Variants in COBLL1 observed in about 807,000 individuals in gnomAD.
COBLL1 encodes the protein cordon-bleu protein-like 1.
COBLL1 carries 50 observed loss-of-function variants against 94.8 expected under a neutral mutation model. That is an observed-to-expected ratio of 0.53 (90% CI 0.42 to 0.67). The LOEUF is 0.67. Ranked by LOEUF, COBLL1 falls within the 30% of genes least tolerant of loss-of-function variation. The pLI is 0.00. For missense variants in COBLL1, 1,362 were observed against 1,348.7 expected, an observed-to-expected ratio of 1.01 and a Z score of -0.15; for synonymous variants, 448 against 473.8, an observed-to-expected ratio of 0.95 and a Z score of 0.71.
intron 2 of COBLL1, among the ~76,000 whole-genome samples, chr2:164,767,939 G>A (rs905266343): frequency 3.9e-5 from 6 of 152,168 alleles, no homozygotes; most frequent in Admixed American, 3.3e-4. Context: ...ATGAGAAGGT[G>A]AACTAGAAAT....
At chr2:164,828,579 T>C (rs1027986695) in intron 2 of COBLL1, among the ~76,000 whole-genome samples, 1 of 152,072 alleles carries the variant, frequency 6.6e-6, no homozygotes, top group Non-Finnish European at 1.5e-5. Flanking sequence ...TCACTGTGTA[T>C]AAAAAAGGGA....
rs1433495930 is a variant in COBLL1, at chr2:164,682,926, T to A, written c.*3020A>T. 6.6e-6 allele frequency: 1 copy of A among 151,400 alleles called. No individual in the cohort carries two copies. The highest frequency in any genetic ancestry group is 6.6e-5 in the Admixed American group (1 of 15,126). The allele number at this position is 151,400 out of a possible 1,614,324, so 9.4% of individuals were successfully genotyped here. A position where few individuals can be genotyped will look rare whatever the true frequency, so the allele number is the denominator to read the frequency against. On this transcript the variant is annotated 3_prime_UTR_variant, in exon 14 of 14. Transcript: ENST00000652658. ...CTGTATGTGTAAAAAGAAAAGCTCT[T>A]CCAGAACACTGCTGGTATAAAAGGC...
At chr2:164,797,411 C>T (rs61189732) in intron 2 of COBLL1, among the ~76,000 whole-genome samples, 5,311 of 152,092 alleles carry the variant, frequency 0.035, 306 homozygotes, top group African/African-American at 0.12. Context: ...GGTCCCTTTA[C>T]AAATGTTCTT....
At chr2:164,794,580 C>T (rs1045862577) in intron 2 of COBLL1, among the ~76,000 whole-genome samples, 6 of 152,074 alleles carry the variant, frequency 3.9e-5, no homozygotes, top group African/African-American at 1.4e-4. Flanking sequence ...TTCGGTGACC[C>T]TTTACTAGGC....
At position 164,784,342 on chromosome 2, in the gene COBLL1, T is replaced by C. The variant is rs139357191; in HGVS notation, c.42-40467A>G. 2.3e-3 allele frequency among the ~76,000 whole-genome samples: 355 copies of C among 152,332 alleles called. 3 individuals are homozygous for C. The highest frequency in any genetic ancestry group is 7.9e-3 in the African/African-American group (327 of 41,562). On this transcript the variant is annotated intron_variant, in intron 2 of 13. Coordinates refer to ENST00000652658, the MANE Select transcript of COBLL1 (RefSeq NM_001365672.2). ...TTGTATATAATCCTAGGTCGTTTTA[T>C]TATTCTATTTTTATATCTGCATTTT...
chr2:164,722,821 C>A (rs545529142), intron 5 of COBLL1: 86 of 177,562 alleles, frequency 4.8e-4, no homozygotes, highest in African/African-American at 1.9e-3. Context: ...CTGTGTTCTG[C>A]TTTTGAAGTA....
At chr2:164,773,090 A>AATTGAC (rs1553476667) in intron 2 of COBLL1, among the ~76,000 whole-genome samples, 1 of 152,058 alleles carries the variant, frequency 6.6e-6, no homozygotes, top group African/African-American at 2.4e-5. Context: ...AGGGTTGTTA[A>AATTGAC]TACAGAGAGG....
At chr2:164,745,975 A>C (rs954926351) in intron 2 of COBLL1, among the ~76,000 whole-genome samples, 1 of 152,194 alleles carries the variant, frequency 6.6e-6, no homozygotes, top group South Asian at 2.1e-4. Context: ...CCTAAATATC[A>C]GCAAAAACTC....
chr2:164,734,064 G>A (rs1686166879), intron 3 of COBLL1, among the ~76,000 whole-genome samples: 1 of 152,130 alleles, frequency 6.6e-6, no homozygotes, highest in Non-Finnish European at 1.5e-5. Context: ...CAGAAACTCT[G>A]GGAATGAGGA....
At chr2:164,814,071 T>C (rs184809025) in intron 2 of COBLL1, among the ~76,000 whole-genome samples, 398 of 152,230 alleles carry the variant, frequency 2.6e-3, no homozygotes, top group African/African-American at 8.9e-3. Context: ...GGAAAAGTAA[T>C]CTCTAAAAAT....
chr2:164,780,125 G>A lies in COBLL1; in HGVS notation c.42-36250C>T, dbSNP rs150937901. Among the ~76,000 whole-genome samples the A allele has an allele frequency of 7.1e-3, 1,075 of 152,172 alleles. 9 individuals are homozygous for A. The highest frequency in any genetic ancestry group is 8.3e-3 in the Non-Finnish European group (567 of 68,004). On this transcript the variant is annotated intron_variant, in intron 2 of 13. Coordinates refer to ENST00000652658, the MANE Select transcript of COBLL1 (RefSeq NM_001365672.2). ...AGCTGACTACCTGGACCCAATTCCT[G>A]GTATTTCCGTAAGCTATCTGTGTGA...
At chr2:164,789,281 G>A (rs1574591787) in intron 2 of COBLL1, among the ~76,000 whole-genome samples, 2 of 151,610 alleles carry the variant, frequency 1.3e-5, no homozygotes, top group South Asian at 4.2e-4. Flanking sequence ...AGGTTAGAAG[G>A]GAGTTAGGTG....
intron 7 of COBLL1, among the ~76,000 whole-genome samples, chr2:164,713,439 A>G (rs1197491234): frequency 6.6e-6 from 1 of 152,162 alleles, no homozygotes; most frequent in Non-Finnish European, 1.5e-5. Flanking sequence ...GCTGAAATAA[A>G]TATTATGAGA....
At chr2:164,712,400 C>T (rs3769875) in intron 7 of COBLL1, among the ~76,000 whole-genome samples, 2,488 of 152,174 alleles carry the variant, frequency 0.016, 24 homozygotes, top group South Asian at 0.027. Flanking sequence ...AGAATGTAAA[C>T]AATCCCTTGA....
intron 1 of COBLL1, among the ~76,000 whole-genome samples, chr2:164,673,036 A>T (rs896567414): frequency 1.3e-5 from 2 of 152,226 alleles, no homozygotes; most frequent in Admixed American, 1.3e-4. Context: ...ATTGCCTTCA[A>T]TTAAATGTTA....
intron 2 of COBLL1, among the ~76,000 whole-genome samples, chr2:164,804,367 C>CT (rs1043991328): frequency 6.6e-5 from 10 of 151,792 alleles, no homozygotes; most frequent in South Asian, 6.3e-4. Flanking sequence ...TTCATGCGTG[C>CT]TTTTTTTAAA....
intron 2 of COBLL1, among the ~76,000 whole-genome samples, chr2:164,839,950 C>A (rs547615724): frequency 2.0e-5 from 3 of 152,332 alleles, no homozygotes; most frequent in African/African-American, 7.2e-5. Flanking sequence ...AATTAATACA[C>A]TACATGTTTC....
chr2:164,809,833 A>T (rs1353583714), intron 2 of COBLL1, among the ~76,000 whole-genome samples: 1 of 151,910 alleles, frequency 6.6e-6, no homozygotes, highest in Admixed American at 6.6e-5. Flanking sequence ...TATTCACATG[A>T]CATTAACATC....
At chr2:164,802,949 G>A (rs1401331869) in intron 2 of COBLL1, among the ~76,000 whole-genome samples, 1 of 152,166 alleles carries the variant, frequency 6.6e-6, no homozygotes. Context: ...ACATATCAGT[G>A]CTAAATGGTC....
Sources: gnomAD v4.1 joint callset for allele counts (sites outside exome capture counted in the v4.1 genomes callset) on GRCh38, gnomAD v4.1.1 for gene constraint, MANE v1.5 for transcripts, NCBI Gene and HGNC (gene_info 2026-07-23, HGNC 2026-07-21) for gene names.